EDA: variants seen among roughly 807,000 people sequenced by gnomAD.
EDA encodes the protein ectodysplasin A, also known as ectodysplasin-A.
Under a neutral mutation model 23.6 loss-of-function variants are expected in EDA, and 2 were observed. The ratio of observed to expected loss-of-function variants is 0.08; its 90% CI spans 0.03 to 0.27. EDA has a LOEUF of 0.27. Ranked by LOEUF, EDA falls within the 10% of genes least tolerant of loss-of-function variation. EDA has a pLI of 1.00. For missense variants in EDA, 229 were observed against 324.2 expected, an observed-to-expected ratio of 0.71 and a Z score of 2.26; for synonymous variants, 131 against 132.0, an observed-to-expected ratio of 0.99 and a Z score of 0.05.
intron 1 of EDA, among the ~76,000 whole-genome samples, chrX:69,789,866 A>C (rs1304644212): frequency 8.9e-6 from 1 of 112,275 alleles, no homozygotes; most frequent in Non-Finnish European, 1.9e-5. Flanking sequence ...TTTCTAAATG[A>C]AAAGGGGAAA....
chrX:69,908,709 TA>T (rs1329600910), intron 1 of EDA, among the ~76,000 whole-genome samples: 3 of 109,745 alleles, frequency 2.7e-5, no homozygotes, highest in Non-Finnish European at 5.7e-5. Context: ...TAGTGGTCTT[TA>T]AATATTAGAA....
intron 1 of EDA, among the ~76,000 whole-genome samples, chrX:69,750,947 G>T (rs2013825775): frequency 9.0e-6 from 1 of 110,833 alleles, no homozygotes; most frequent in Non-Finnish European, 1.9e-5. Flanking sequence ...TGGGTAGATT[G>T]TAAAAATTTT....
At chrX:69,940,526 T>C (rs1416657304) in intron 1 of EDA, among the ~76,000 whole-genome samples, 1 of 111,229 alleles carries the variant, frequency 9.0e-6, no homozygotes, top group African/African-American at 3.3e-5. Flanking sequence ...TATCTTTTGA[T>C]AAAAAAACTT....
intron 1 of EDA, among the ~76,000 whole-genome samples, chrX:69,681,984 G>T (rs2147284704): frequency 9.1e-6 from 1 of 109,828 alleles, no homozygotes; most frequent in Non-Finnish European, 1.9e-5. Flanking sequence ...TGATCGTGAT[G>T]TACAGATGGG....
chrX:69,875,468 A>G (rs2017628628), intron 1 of EDA, among the ~76,000 whole-genome samples: 1 of 112,207 alleles, frequency 8.9e-6, no homozygotes, highest in African/African-American at 3.2e-5. Flanking sequence ...CTCACTTTAT[A>G]CAAAAAATCA....
At chrX:69,640,391 G>C (rs1048002342) in intron 1 of EDA, among the ~76,000 whole-genome samples, 1 of 111,666 alleles carries the variant, frequency 9.0e-6, no homozygotes, top group African/African-American at 3.3e-5. Context: ...AGAAATGTTA[G>C]TTATTTAACT....
At chrX:69,631,625 C>CTT (rs201914976) in intron 1 of EDA, among the ~76,000 whole-genome samples, 7 of 101,054 alleles carry the variant, frequency 6.9e-5, no homozygotes, top group Non-Finnish European at 1.0e-4. Context: ...CTGTTAAAAT[C>CTT]TTTTTTTTTT....
intron 1 of EDA, among the ~76,000 whole-genome samples, chrX:69,867,819 C>T (rs2017510138): frequency 8.9e-6 from 1 of 111,903 alleles, no homozygotes; most frequent in South Asian, 3.8e-4. Context: ...GAGCCACTTC[C>T]TCATGTAACT....
chrX:69,757,379 G>A (rs1223429989), intron 1 of EDA, among the ~76,000 whole-genome samples: 7 of 111,779 alleles, frequency 6.3e-5, no homozygotes, highest in Non-Finnish European at 1.1e-4. Context: ...CATTTGTTTA[G>A]CCAACTTAAT....
chrX:69,930,402 C>T (rs1270453575), intron 1 of EDA, among the ~76,000 whole-genome samples: 1 of 109,620 alleles, frequency 9.1e-6, no homozygotes, highest in Non-Finnish European at 1.9e-5. Flanking sequence ...TATTAAGGCT[C>T]AGGAAGAAAA....
chrX:69,695,667 G>A (rs2011313863), intron 1 of EDA, among the ~76,000 whole-genome samples: 1 of 107,707 alleles, frequency 9.3e-6, no homozygotes, highest in East Asian at 3.0e-4. Flanking sequence ...CCGCTACCAC[G>A]CCCAGCTAAT....
chrX:69,932,953 G>T, intron 1 of EDA, among the ~76,000 whole-genome samples: 1 of 106,619 alleles, frequency 9.4e-6, no homozygotes, highest in African/African-American at 3.5e-5. Context: ...TTTTTTTTGA[G>T]GAATATACTT....
intron 1 of EDA, among the ~76,000 whole-genome samples, chrX:69,859,811 G>T (rs1009171828): frequency 9.0e-6 from 1 of 111,244 alleles, no homozygotes; most frequent in Non-Finnish European, 1.9e-5. Flanking sequence ...GTCTAATATT[G>T]TCAGTGAGGT....
At chrX:69,828,496 G>A (rs189721147) in intron 1 of EDA, among the ~76,000 whole-genome samples, 58 of 111,958 alleles carry the variant, frequency 5.2e-4, no homozygotes, top group Middle Eastern at 9.2e-3. Context: ...TCTTTGACTA[G>A]GAAAGGGAAC....
chrX:69,859,936 T>C (rs1044384519), intron 1 of EDA, among the ~76,000 whole-genome samples: 1 of 111,529 alleles, frequency 9.0e-6, no homozygotes, highest in East Asian at 2.8e-4. Flanking sequence ...TTAGGATAGT[T>C]AGATCTTCTT....
In EDA at chrX:69,814,837, C is replaced by T. The variant is rs192524881; in HGVS notation, c.397-142190C>T. 9.8e-5 allele frequency among the ~76,000 whole-genome samples: 11 copies of T among 111,918 alleles called. No homozygotes were observed. In the East Asian group the frequency reaches 3.1e-3, roughly 31 times the overall value. On this transcript the variant is annotated intron_variant, in intron 1 of 7. Transcript: ENST00000374552. ...ATGCTTCTCCCATGGATCTTTGCAA[C>T]CCATGGATCAGGAGATCCCCTCGTG...
intron 1 of EDA, among the ~76,000 whole-genome samples, chrX:69,930,966 G>A (rs997724256): frequency 9.0e-6 from 1 of 111,268 alleles, no homozygotes; most frequent in African/African-American, 3.3e-5. Flanking sequence ...TCCCAAAATT[G>A]ATCTATAGAT....
chrX:69,834,143 T>C (rs2147547207), intron 1 of EDA, among the ~76,000 whole-genome samples: 1 of 110,573 alleles, frequency 9.0e-6, no homozygotes, highest in East Asian at 2.9e-4. Flanking sequence ...CATCCAACTA[T>C]GTGTTATATG....
At chrX:69,701,783 TATGGACAC>T (rs1222524731) in intron 1 of EDA, among the ~76,000 whole-genome samples, 1 of 111,124 alleles carries the variant, frequency 9.0e-6, no homozygotes, top group Non-Finnish European at 1.9e-5. Flanking sequence ...TTGACTGCTT[TATGGACAC>T]CCTTTTTGAG....
Sources: allele counts gnomAD v4.1 joint callset (sites outside exome capture counted in the v4.1 genomes callset), GRCh38; gene constraint gnomAD v4.1.1; transcripts MANE v1.5; gene names NCBI Gene and HGNC (gene_info 2026-07-23, HGNC 2026-07-21).